Variants in ABCC5 observed in about 807,000 individuals in gnomAD.
ABCC5 encodes ATP-binding cassette sub-family C member 5.
A neutral mutation model predicts 160.9 loss-of-function variants in ABCC5; 61 were observed. The ratio of observed to expected loss-of-function variants is 0.38; its 90% CI spans 0.31 to 0.47. The LOEUF is 0.47. Ranked by LOEUF, ABCC5 falls within the 20% of genes least tolerant of loss-of-function variation. The pLI, the probability that ABCC5 is intolerant of heterozygous loss-of-function variation, is 0.99. For missense variants in ABCC5, 1,308 were observed against 1,813.3 expected, an observed-to-expected ratio of 0.72 and a Z score of 5.06; for synonymous variants, 666 against 700.6, an observed-to-expected ratio of 0.95 and a Z score of 0.78.
At position 183,921,565 on chromosome 3, in the gene ABCC5, C is replaced by G. The variant is rs1344869999; in HGVS notation, c.4213-164G>C. Among the ~76,000 whole-genome samples the G allele has an allele frequency of 2.0e-5, 3 of 151,756 alleles. No individual in the cohort carries two copies. The highest frequency in any genetic ancestry group is 4.4e-5 in the Non-Finnish European group (3 of 67,968). ...CCCTTATTTTTTTATTTTCAACTATCCAGGGAGTAAGGGAAAGGACAGAGA... is the reference window on the plus strand; with the variant it reads ...CCCTTATTTTTTTATTTTCAACTATGCAGGGAGTAAGGGAAAGGACAGAGA... On this transcript the variant is annotated intron_variant, in intron 29 of 29. Coordinates refer to ENST00000334444, the MANE Select transcript of ABCC5 (RefSeq NM_005688.4). The surrounding 1 kb of genome is among the most constrained non-coding windows in gnomAD (Gnocchi z 4.1).
chr3:183,949,039 C>CA lies in ABCC5; in HGVS notation c.3227+713dup, dbSNP rs1715101867. ...AATGTTATACATAAAAACACATACT[C>CA]AAAGGTAGCATACAATATATTAATA... On this transcript the variant is annotated intron_variant, in intron 22 of 29. Coordinates refer to ENST00000334444, the MANE Select transcript of ABCC5 (RefSeq NM_005688.4). The surrounding 1 kb of genome is among the most constrained non-coding windows in gnomAD (Gnocchi z 4.2). Among the ~76,000 whole-genome samples the CA allele has an allele frequency of 6.6e-6, 1 of 152,172 alleles. No homozygotes were observed. The highest frequency in any genetic ancestry group is 2.1e-4 in the South Asian group (1 of 4,830).
In ABCC5 at chr3:183,919,951, T is replaced by G. The variant is rs1711826609; in HGVS notation, c.*1349A>C. The G allele has an allele frequency of 6.6e-6, 1 of 152,596 alleles. No homozygotes were observed. Among genetic ancestry groups the G allele is most frequent in the South Asian group, 2.1e-4 (1 of 4,836 alleles). The allele number at this position is 152,596 out of a possible 1,614,324, so 9.5% of individuals were successfully genotyped here. On this transcript the variant is annotated 3_prime_UTR_variant, in exon 30 of 30. Coordinates refer to ENST00000334444, the MANE Select transcript of ABCC5 (RefSeq NM_005688.4). ...ACGAAGAGTTTTACAAAATCCAAAA[T>G]AATTTTATTCACATTTTCAGATTTT... is the stretch of plus-strand genomic sequence containing the variant.
rs1171489627 is a variant in ABCC5, at chr3:184,001,205, G to C, written c.130-11822C>G. The C allele has an allele frequency of 7.6e-6, 4 of 525,662 alleles. No individual in the cohort carries two copies. The African/African-American group carries it at 7.6e-5, about 10-fold the overall frequency. 32.6% of individuals were successfully genotyped at this position (525,662 alleles called of 1,614,324 possible). A position where few individuals can be genotyped will look rare whatever the true frequency, so the allele number is the denominator to read the frequency against. On this transcript the variant is annotated intron_variant, in intron 2 of 29. Coordinates refer to ENST00000334444, the MANE Select transcript of ABCC5 (RefSeq NM_005688.4). The stretch of plus-strand genomic sequence containing the variant: ...GTGTTTGACGCTGCAGTGAGCCATG[G>C]TCATGCCACCGCACTACAGTCTGGG...
In ABCC5 at chr3:183,987,187, G is replaced by T; in HGVS notation, c.591+583C>A. On this transcript the variant is annotated intron_variant, in intron 5 of 29. Coordinates refer to ENST00000334444, the MANE Select transcript of ABCC5 (RefSeq NM_005688.4). The surrounding 1 kb of genome is among the most constrained non-coding windows in gnomAD (Gnocchi z 4.2). ...CCAGGAAACAGAGTGAACGTCAAAG[G>T]CTCTCTTGTCTACTCTGCATCAGTA... 6.1e-6 allele frequency: 1 copy of T among 162,880 alleles called. No individual in the cohort carries two copies. The highest frequency in any genetic ancestry group is 1.3e-5 in the Non-Finnish European group (1 of 74,146). 10.1% of individuals were successfully genotyped at this position (162,880 alleles called of 1,614,324 possible). A position where few individuals can be genotyped will look rare whatever the true frequency, so the allele number is the denominator to read the frequency against.
At chr3:183,957,878 CCG>C (rs1716322185) in intron 17 of ABCC5, among the ~76,000 whole-genome samples, 1 of 119,410 alleles carries the variant, frequency 8.4e-6, no homozygotes, top group Non-Finnish European at 1.9e-5. Flanking sequence ...ACATGCGGAT[CCG>C]TGTGTATATC....
chr3:183,962,042 G>A (rs913374110), intron 15 of ABCC5, among the ~76,000 whole-genome samples: 3 of 152,098 alleles, frequency 2.0e-5, no homozygotes, highest in African/African-American at 4.8e-5. Flanking sequence ...CTGAGCCACC[G>A]CGCCCAGCTG....
intron 17 of ABCC5, among the ~76,000 whole-genome samples, chr3:183,958,940 G>A (rs897943170): frequency 2.6e-5 from 4 of 152,022 alleles, no homozygotes; most frequent in South Asian, 2.1e-4. Flanking sequence ...AACAGGCTCC[G>A]TCTCCAAAGC....
chr3:183,928,632 C>G (rs867991780), intron 27 of ABCC5, 115 bp downstream of exon 27: 2 of 898,420 alleles, frequency 2.2e-6, no homozygotes, highest in South Asian at 1.5e-5. Flanking sequence ...TGCCACGAAG[C>G]CTTTGTCCAC....
chr3:184,008,804 T>C (rs1014902580), intron 2 of ABCC5, among the ~76,000 whole-genome samples: 7 of 152,354 alleles, frequency 4.6e-5, no homozygotes, highest in African/African-American at 1.7e-4. Context: ...TCAGAACTTA[T>C]TCTTTGGTGC....
Position 183,947,319 on chromosome 3 carries a change from C to A in ABCC5, c.3414+5G>T. 6.3e-7 allele frequency: 1 copy of A among 1,582,120 alleles called. No homozygotes were observed. The highest frequency in any genetic ancestry group is 1.4e-5 in the African/African-American group (1 of 73,924). On this transcript the variant is annotated splice_donor_5th_base_variant and intron_variant, in intron 23 of 29. Transcript: ENST00000334444. ...AAAGATGACGCTCCTATCCCAGAGA[C>A]TGACCTGGACAGCATAAGAGATGGC...
chr3:183,925,136 C>A (rs2108755760), intron 29 of ABCC5, among the ~76,000 whole-genome samples: 1 of 152,288 alleles, frequency 6.6e-6, no homozygotes, highest in South Asian at 2.1e-4. Context: ...TCTCAGTAGG[C>A]CTCCGGGAGC....
chr3:183,985,099 G>A (rs1719090818), intron 5 of ABCC5: 6 of 659,512 alleles, frequency 9.1e-6, no homozygotes, highest in Middle Eastern at 4.1e-4. Flanking sequence ...CCAACACATC[G>A]GGTTTTTAAA....
At chr3:183,964,038 A>C (rs556300953) in intron 14 of ABCC5, among the ~76,000 whole-genome samples, 1 of 152,344 alleles carries the variant, frequency 6.6e-6, no homozygotes, top group Admixed American at 6.5e-5. Flanking sequence ...CCTCCAGTGC[A>C]CAATCCCCCT....
chr3:183,954,241 C>T (rs774834476), intron 17 of ABCC5, among the ~76,000 whole-genome samples: 13 of 152,122 alleles, frequency 8.5e-5, no homozygotes, highest in East Asian at 1.9e-4. Context: ...TCCGCCTTCC[C>T]GGGTTCAAGC....
chr3:183,969,673 CA>C (rs1195472344), intron 11 of ABCC5, among the ~76,000 whole-genome samples: 1 of 135,544 alleles, frequency 7.4e-6, no homozygotes, highest in East Asian at 2.1e-4. Flanking sequence ...GCCTGGGCAA[CA>C]GAGCCAGACT....
At chr3:184,008,436 C>G (rs1721417219) in intron 2 of ABCC5, among the ~76,000 whole-genome samples, 1 of 152,166 alleles carries the variant, frequency 6.6e-6, no homozygotes, top group Non-Finnish European at 1.5e-5. Context: ...GTAACGCCAG[C>G]CTAATGCCAG....
rs1711964057 is a variant in ABCC5 at position 183,921,459 on chromosome 3, A to G, written c.4213-58T>C. ...CTCTGGGTCATGCAGGGTGATTCAG[A>G]GGATCCACGGCTCAGTAAGTGCCAG... On this transcript the variant is annotated intron_variant, in intron 29 of 29. Transcript: ENST00000334444. This position sits in a 1 kb window ranked among gnomAD's most constrained non-coding sequence, Gnocchi z 4.1. 4 of 1,537,468 alleles carry G rather than the reference A, an allele frequency of 2.6e-6. No homozygotes were observed. In the African/African-American group the frequency reaches 4.2e-5, roughly 16 times the overall value.
At chr3:183,985,458 G>T in intron 5 of ABCC5, 2 of 1,216,080 alleles carry the variant, frequency 1.6e-6, no homozygotes, top group Non-Finnish European at 2.4e-6. Context: ...CAAGCAAGCT[G>T]CAGGTGGAGA....
intron 25 of ABCC5, among the ~76,000 whole-genome samples, chr3:183,941,682 G>A (rs1459206733): frequency 2.6e-5 from 4 of 151,874 alleles, no homozygotes; most frequent in Non-Finnish European, 5.9e-5. Context: ...TGCAATTCAG[G>A]AACGAAAGTG....
Sources: gnomAD v4.1 joint callset for allele counts (sites outside exome capture counted in the v4.1 genomes callset) on GRCh38, gnomAD v4.1.1 for gene constraint, Gnocchi (gnomAD v3.1) non-coding constraint, MANE v1.5 for transcripts, NCBI Gene and HGNC (gene_info 2026-07-23, HGNC 2026-07-21) for gene names.